Variants in RERE observed in about 807,000 individuals in gnomAD.
RERE encodes arginine-glutamic acid dipeptide repeats protein.
Under a neutral mutation model 146.1 loss-of-function variants are expected in RERE, and 40 were observed. That is an observed-to-expected ratio of 0.27 (90% CI 0.21 to 0.36). The LOEUF (loss-of-function observed/expected upper bound fraction) is 0.36. Ranked by LOEUF, RERE falls within the 10% of genes least tolerant of loss-of-function variation. The probability of loss-of-function intolerance (pLI) is 1.00; values close to 1 mark genes in which losing one functional copy is unlikely to be tolerated. For synonymous variants in RERE, 1,003 were observed against 866.0 expected (o/e 1.16, Z -2.78); for missense variants, 1,933 against 2,138.7 (o/e 0.90, Z 1.90).
chr1:8,658,114 G>C (rs1342386790), intron 1 of RERE, among the ~76,000 whole-genome samples: 2 of 152,116 alleles, frequency 1.3e-5, no homozygotes, highest in Non-Finnish European at 2.9e-5. Flanking sequence ...GTCTTTCTAA[G>C]TCAGTTTTGG....
At chr1:8,462,713 G>A (rs964337758) in intron 11 of RERE, among the ~76,000 whole-genome samples, 1 of 152,188 alleles carries the variant, frequency 6.6e-6, no homozygotes, top group African/African-American at 2.4e-5. Flanking sequence ...ACACTGGGTA[G>A]TTAGAACAAA....
chr1:8,701,444 G>C (rs1302824957), intron 1 of RERE, among the ~76,000 whole-genome samples: 2 of 152,020 alleles, frequency 1.3e-5, no homozygotes. Context: ...GCTACATTAC[G>C]TCAGCTCTTG....
intron 1 of RERE, among the ~76,000 whole-genome samples, chr1:8,784,166 T>C (rs1473705475): frequency 6.6e-6 from 1 of 152,184 alleles, no homozygotes; most frequent in East Asian, 1.9e-4. Context: ...TCAGGACCTT[T>C]CCACTGACTA....
At chr1:8,446,785 T>C (rs930748873) in intron 11 of RERE, among the ~76,000 whole-genome samples, 4 of 152,084 alleles carry the variant, frequency 2.6e-5, no homozygotes, top group Non-Finnish European at 5.9e-5. Flanking sequence ...GCCATTCTCC[T>C]GCCTCAGCCT....
chr1:8,535,393 A>G, intron 7 of RERE, among the ~76,000 whole-genome samples: 1 of 152,166 alleles, frequency 6.6e-6, no homozygotes, highest in East Asian at 1.9e-4. Context: ...TTCATTGTTA[A>G]TTTCCTGATT....
chr1:8,654,049 G>A (rs1466925418), intron 2 of RERE, among the ~76,000 whole-genome samples: 1 of 151,328 alleles, frequency 6.6e-6, no homozygotes, highest in Non-Finnish European at 1.5e-5. Flanking sequence ...TTTGCGGGGG[G>A]GAGGGGTGGA....
At position 8,625,464 on chromosome 1, in the gene RERE, T is replaced by C. The variant is rs117072188; in HGVS notation, c.326-1084A>G. Reference sequence around the variant, plus strand: ...TGAAATCTAGGAATAGTGACCACAATGCCTCATTCATTCATTCATTTTGCA... The same window carrying C: ...TGAAATCTAGGAATAGTGACCACAACGCCTCATTCATTCATTCATTTTGCA... On this transcript the variant is annotated intron_variant, in intron 2 of 22. Coordinates refer to ENST00000400908, the MANE Select transcript of RERE (RefSeq NM_001042681.2). Among the ~76,000 whole-genome samples the C allele has an allele frequency of 9.2e-4, 140 of 152,284 alleles. 5 individuals carry two copies. In the East Asian group the frequency reaches 0.025, roughly 27 times the overall value.
At chr1:8,783,723 C>A (rs573840078) in intron 1 of RERE, among the ~76,000 whole-genome samples, 2 of 152,094 alleles carry the variant, frequency 1.3e-5, no homozygotes, top group Admixed American at 1.3e-4. Context: ...CCATCCAGTG[C>A]CTTCCCCATT....
chr1:8,501,161 G>A (rs1447814648), intron 8 of RERE, among the ~76,000 whole-genome samples: 8 of 150,306 alleles, frequency 5.3e-5, no homozygotes, highest in Admixed American at 1.3e-4. Context: ...TCCGGGAGGG[G>A]GGGTCAGCCC....
chr1:8,544,618 G>T (rs932157934), intron 6 of RERE, among the ~76,000 whole-genome samples: 4 of 152,130 alleles, frequency 2.6e-5, no homozygotes, highest in African/African-American at 9.7e-5. Flanking sequence ...GGTGATTTTG[G>T]GTGGGAAGTT....
intron 1 of RERE, among the ~76,000 whole-genome samples, chr1:8,806,205 C>T (rs1055373629): frequency 9.2e-5 from 14 of 152,038 alleles, no homozygotes; most frequent in Non-Finnish European, 1.8e-4. Context: ...GTTTTTTCTA[C>T]ACTATATTTG....
intron 4 of RERE, among the ~76,000 whole-genome samples, chr1:8,573,685 G>A (rs189605368): frequency 3.7e-4 from 56 of 152,248 alleles, no homozygotes; most frequent in Middle Eastern, 3.4e-3. Context: ...TCACAGCTAA[G>A]TGTTCAAATT....
intron 11 of RERE, 174 bp downstream of exon 11, chr1:8,465,751 T>G: frequency 1.5e-6 from 1 of 687,984 alleles, no homozygotes. Flanking sequence ...TAAAATCAAG[T>G]CTTTCTGTAC....
At chr1:8,792,846 T>C (rs1641387023) in intron 1 of RERE, among the ~76,000 whole-genome samples, 1 of 151,968 alleles carries the variant, frequency 6.6e-6, no homozygotes, top group African/African-American at 2.4e-5. Context: ...GCTGTGAGGA[T>C]CGGATAGCGG....
chr1:8,727,870 CTTAT>C (rs1640002958), intron 1 of RERE, among the ~76,000 whole-genome samples: 1 of 152,202 alleles, frequency 6.6e-6, no homozygotes, highest in African/African-American at 2.4e-5. Flanking sequence ...TTCTAATTTG[CTTAT>C]TTAAAAAAAG....
At position 8,359,813 on chromosome 1, in the gene RERE, T is replaced by C. The variant is rs376434590; in HGVS notation, c.3569A>G (p.Lys1190Arg). 92 of 1,592,926 alleles carry C rather than the reference T, an allele frequency of 5.8e-5. No homozygotes were observed. The highest frequency in any genetic ancestry group is 1.7e-4 in the Middle Eastern group (1 of 6,022). Residue 1190 changes from lysine to arginine, a missense_variant, in exon 19 of 23, where the codon AAG becomes AGG. Physicochemically the swap from Lys to Arg is conservative, Grantham distance 26. Around this residue, in one of 11 missense-constraint regions of RERE, gnomAD observed 1,255 missense variants for 1,153.8 expected, o/e 1.09. Coordinates refer to ENST00000400908, the MANE Select transcript of RERE (RefSeq NM_001042681.2). ...EEREREKEKE[K>R]ERERERERER... ...CCGCTCTCGCTCCCGCTCCCGCTCC[T>C]TCTCCTTCTCCTTCTCCCGCTCTCG...
In RERE at chr1:8,720,539, G is replaced by C. The variant is rs758373524; in HGVS notation, c.-144-64098C>G. On this transcript the variant is annotated intron_variant, in intron 1 of 22. Coordinates refer to ENST00000400908, the MANE Select transcript of RERE (RefSeq NM_001042681.2). ...ACAGAGTCAGAGAGAGAGCAAGAGAGAGAGAGAGAACAAGAACGAGCAAGA... is the reference window on the plus strand; with the variant it reads ...ACAGAGTCAGAGAGAGAGCAAGAGACAGAGAGAGAACAAGAACGAGCAAGA... Among the ~76,000 whole-genome samples the C allele has an allele frequency of 8.7e-4, 133 of 152,296 alleles. 1 individual carries two copies. The highest frequency in any genetic ancestry group is 1.3e-3 in the African/African-American group (52 of 41,558).
rs778767472 is a variant in RERE, at chr1:8,495,120, T to A, written c.1047A>T (p.Thr349=). ...AFAGMCDGGS[T]EDGCVAASRD... ...GAGAGGCTGCGACACAGCCGTCCTC[T>A]GTAGAGCCTCCATCACACATTCCTG... The change falls in exon 10 of 23, where the codon ACA becomes ACT. Residue 349 remains threonine, a synonymous_variant. Transcript: ENST00000400908. 3 of 1,613,952 alleles carry A rather than the reference T, an allele frequency of 1.9e-6. No individual in the cohort carries two copies. In the Admixed American group the frequency reaches 5.0e-5, roughly 27 times the overall value.
At chr1:8,555,051 G>C (rs978073699) in intron 6 of RERE, among the ~76,000 whole-genome samples, 13 of 152,324 alleles carry the variant, frequency 8.5e-5, no homozygotes, top group Non-Finnish European at 1.6e-4. Context: ...AAAACACTGA[G>C]AAACTCTCTA....
Sources: gnomAD v4.1 joint callset for allele counts (sites outside exome capture counted in the v4.1 genomes callset) on GRCh38, gnomAD v4.1.1 for gene constraint, gnomAD v4.1.1 regional missense constraint, MANE v1.5 for transcripts, NCBI Gene and HGNC (gene_info 2026-07-23, HGNC 2026-07-21) for gene names.